DHX8: variants seen among roughly 807,000 people sequenced by gnomAD.
The protein encoded by DHX8 is ATP-dependent RNA helicase DHX8.
Under a neutral mutation model 140.7 loss-of-function variants are expected in DHX8, and 67 were observed. That is an observed-to-expected ratio of 0.48 (90% CI 0.39 to 0.58). The LOEUF (loss-of-function observed/expected upper bound fraction) is 0.58, where lower values mean the gene tolerates loss of function less well. Among genes scored for constraint, DHX8 ranks in the 20% least tolerant of loss-of-function variants. The pLI, the probability that DHX8 is intolerant of heterozygous loss-of-function variation, is 0.00. For synonymous variants in DHX8, 533 were observed against 553.2 expected (o/e 0.96, Z 0.51); for missense variants, 887 against 1,550.7 (o/e 0.57, Z 7.19).
Position 43,513,407 on chromosome 17 carries a change from G to C in DHX8, c.2548G>C (p.Gly850Arg). ...NIAETSLTID[G>R]IYYVVDPGFV... ...CGCAGAGACATCGCTGACTATTGAT[G>C]GTATCTACTATGTGGTGGACCCAGG... is the stretch of plus-strand genomic sequence containing the variant. The change falls in exon 17 of 23, where the codon GGT becomes CGT. Residue 850 changes from glycine to arginine, a missense_variant. Coordinates refer to ENST00000262415, the MANE Select transcript of DHX8 (RefSeq NM_004941.3). 6.2e-7 allele frequency: 1 copy of C among 1,613,656 alleles called. No individual in the cohort carries two copies. Among genetic ancestry groups the C allele is most frequent in the Non-Finnish European group, 8.5e-7 (1 of 1,179,780 alleles).
At chr17:43,513,210 G>T in intron 16 of DHX8, 152 bp from the exon 17 acceptor site, 3 of 761,328 alleles carry the variant, frequency 3.9e-6, no homozygotes, top group Non-Finnish European at 5.9e-6. Context: ...TCTGCTGTTG[G>T]AGGCTGAGCT....
rs1383006504 is a variant in DHX8 at position 43,525,555 on chromosome 17, C to T, written c.*1708C>T. On this transcript the variant is annotated 3_prime_UTR_variant, in exon 23 of 23. Transcript: ENST00000262415. ...ATTGTTGTGTGTTAACCTTGAAGGC[C>T]TTCTGGGGAGAGACAGTACAGGGAC... The T allele has an allele frequency of 2.0e-6, 2 of 985,426 alleles. No homozygotes were observed. The highest frequency in any genetic ancestry group is 2.4e-6 in the Non-Finnish European group (2 of 829,964). 61.0% of individuals were successfully genotyped at this position (985,426 alleles called of 1,614,324 possible).
rs1445632331 is a variant in DHX8 at position 43,512,386 on chromosome 17, C to A, written c.2503-976C>A. Among the ~76,000 whole-genome samples the A allele has an allele frequency of 4.4e-3, 444 of 99,830 alleles. 2 individuals are homozygous for A. Among genetic ancestry groups the A allele is most frequent in the African/African-American group, 5.9e-3 (136 of 22,990 alleles). 65.5% of individuals were successfully genotyped at this position (99,830 alleles called of 152,430 possible). On this transcript the variant is annotated intron_variant, in intron 16 of 22. Coordinates refer to ENST00000262415, the MANE Select transcript of DHX8 (RefSeq NM_004941.3). ...TGGGCAACAGAGTGAGACTCTATCT[C>A]AAAAAAAAAAAAAAAAGGCAGATGG...
chr17:43,532,392 G>A (rs1460838871), intron 2 of DHX8, among the ~76,000 whole-genome samples: 1 of 152,044 alleles, frequency 6.6e-6, no homozygotes, highest in East Asian at 1.9e-4. Flanking sequence ...CCAGGTACTC[G>A]GGAGGCTGAG....
chr17:43,501,276 G>GT (rs1369251469), intron 11 of DHX8, among the ~76,000 whole-genome samples: 1 of 152,116 alleles, frequency 6.6e-6, no homozygotes, highest in African/African-American at 2.4e-5. Flanking sequence ...AGGTTGGGGA[G>GT]TATGTTCCAG....
Position 43,525,269 on chromosome 17 carries a change from T to G in DHX8, c.*1422T>G. The G allele has an allele frequency of 1.0e-6, 1 of 985,420 alleles. No individual in the cohort carries two copies. Among genetic ancestry groups the G allele is most frequent in the Non-Finnish European group, 1.2e-6 (1 of 829,932 alleles). The allele number at this position is 985,420 out of a possible 1,614,324, so 61.0% of individuals were successfully genotyped here. On this transcript the variant is annotated 3_prime_UTR_variant, in exon 23 of 23. Coordinates refer to ENST00000262415, the MANE Select transcript of DHX8 (RefSeq NM_004941.3). ...ATGTTATTAGTAAGTTCTGAAGTGA[T>G]GTAAATGCTAGAACTACTGTAGAAC...
intron 11 of DHX8, among the ~76,000 whole-genome samples, chr17:43,504,283 A>G (rs1157365400): frequency 1.3e-5 from 2 of 151,958 alleles, no homozygotes; most frequent in African/African-American, 4.8e-5. Flanking sequence ...GCTTGAGCCC[A>G]GAAGGTCGGG....
downstream of DHX8, chr17:43,525,873 C>G: frequency 2.3e-5 from 22 of 973,932 alleles, no homozygotes; most frequent in Non-Finnish European, 2.7e-5. Context: ...ATGTTGACAC[C>G]TGGGGAGGGA....
At chr17:43,536,498 G>A (rs760066188) in exon 3 of DHX8, 1 of 1,613,846 alleles carries the variant, frequency 6.2e-7, no homozygotes, top group Non-Finnish European at 8.5e-7. Context: ...AGAAGTCAGA[G>A]GTGAGTTTGG....
intron 16 of DHX8, among the ~76,000 whole-genome samples, chr17:43,509,674 G>A (rs926964753): frequency 6.6e-6 from 1 of 151,080 alleles, no homozygotes; most frequent in Non-Finnish European, 1.5e-5. Context: ...TTTTGTTTTT[G>A]TGTTTTTTTT....
rs1969088719 is a variant in DHX8 at position 43,499,946 on chromosome 17, G to T, written c.1399-10G>T. On this transcript the variant is annotated splice_polypyrimidine_tract_variant and intron_variant, in intron 10 of 22. Transcript: ENST00000262415. ...TTTAATCCATGTTGTTTTTTCTTCT[G>T]TTGCACCAGAACCCAGACGGCTCCC... 6.2e-7 allele frequency: 1 copy of T among 1,609,806 alleles called. No homozygotes were observed. Among genetic ancestry groups the T allele is most frequent in the Non-Finnish European group, 8.5e-7 (1 of 1,178,710 alleles).
At chr17:43,497,978 G>A (rs1968959303) in intron 9 of DHX8, among the ~76,000 whole-genome samples, 8 of 152,162 alleles carry the variant, frequency 5.3e-5, no homozygotes, top group Admixed American at 2.6e-4. Flanking sequence ...GTACCATTTA[G>A]AATGTCAGGA....
downstream of DHX8, chr17:43,528,758 A>G (rs755817563): frequency 2.2e-5 from 36 of 1,611,122 alleles, no homozygotes; most frequent in Admixed American, 3.3e-5. Context: ...GGGGAGAGAG[A>G]AGGTCTGGTC....
intron 11 of DHX8, among the ~76,000 whole-genome samples, chr17:43,501,359 TAGAG>T (rs1969185834): frequency 1.3e-5 from 2 of 152,156 alleles, no homozygotes; most frequent in South Asian, 4.2e-4. Flanking sequence ...GTGGATGGAA[TAGAG>T]AGAGCAGTGG....
chr17:43,511,456 A>ATTTTTTTCTTTTTTTTTTTTTTT (rs1969823477), intron 16 of DHX8, among the ~76,000 whole-genome samples: 1 of 56,790 alleles, frequency 1.8e-5, no homozygotes, highest in Non-Finnish European at 2.9e-5. Context: ...TGATCCCAGC[A>ATTTTTTTCTTTTTTTTTTTTTTT]TTTTTTTTTT....
chr17:43,537,330 A>C (rs1971295920), intron 3 of DHX8, among the ~76,000 whole-genome samples: 2 of 152,156 alleles, frequency 1.3e-5, no homozygotes, highest in African/African-American at 4.8e-5. Context: ...GCACCACTGC[A>C]CTCCAGCCTG....
downstream of DHX8, chr17:43,529,731 AACC>A (rs1278780082): frequency 1.9e-6 from 3 of 1,591,132 alleles, no homozygotes; most frequent in East Asian, 4.5e-5. Context: ...TCCCCCAAGC[AACC>A]GCCTCCCACC....
At chr17:43,496,295 G>A in intron 9 of DHX8, 27 bp downstream of exon 9, 2 of 1,547,176 alleles carry the variant, frequency 1.3e-6, no homozygotes, top group Non-Finnish European at 1.8e-6. Context: ...ATCGAGAAGG[G>A]TAATTGGCAA....
At chr17:43,496,759 G>A (rs748281526) in intron 9 of DHX8, among the ~76,000 whole-genome samples, 3 of 150,526 alleles carry the variant, frequency 2.0e-5, no homozygotes, top group Non-Finnish European at 4.4e-5. Flanking sequence ...CAGCCTGAGT[G>A]ACAGAGTGAG....
Sources: allele counts gnomAD v4.1 joint callset (sites outside exome capture counted in the v4.1 genomes callset), GRCh38; gene constraint gnomAD v4.1.1; transcripts MANE v1.5; gene names NCBI Gene and HGNC (gene_info 2026-07-23, HGNC 2026-07-21).